Variants in CBLN2 observed in about 807,000 individuals in gnomAD.
CBLN2 encodes cerebellin 2 precursor.
Under a neutral mutation model 15.0 loss-of-function variants are expected in CBLN2, and 7 were observed. The ratio of observed to expected loss-of-function variants is 0.47; its 90% CI spans 0.27 to 0.88. The LOEUF (loss-of-function observed/expected upper bound fraction) is 0.88. CBLN2 is among the 40% of genes least tolerant of loss of function. The pLI is 0.14. For missense variants in CBLN2, 242 were observed against 304.5 expected (o/e 0.79, Z 1.53); for synonymous variants, 149 against 135.2 (o/e 1.10, Z -0.71).
chr18:72,604,473 T>A (rs2069570169), intron 1 of CBLN2, among the ~76,000 whole-genome samples: 1 of 152,206 alleles, frequency 6.6e-6, no homozygotes, highest in African/African-American at 2.4e-5. Flanking sequence ...TATTCTGTGT[T>A]TTAGGCAACA....
At chr18:72,604,524 A>G (rs918574990) in intron 1 of CBLN2, among the ~76,000 whole-genome samples, 10 of 152,118 alleles carry the variant, frequency 6.6e-5, no homozygotes, top group Non-Finnish European at 1.5e-5. Flanking sequence ...CCATGACTTG[A>G]GTGTTTGTCC....
chr18:72,602,370 C>A (rs1030504101), intron 1 of CBLN2, among the ~76,000 whole-genome samples: 28 of 152,220 alleles, frequency 1.8e-4, no homozygotes, highest in African/African-American at 6.8e-4. Context: ...TGTCACTACG[C>A]TTCTGGTATC....
At chr18:72,610,238 AC>A (rs2069613230) in intron 1 of CBLN2, among the ~76,000 whole-genome samples, 1 of 151,768 alleles carries the variant, frequency 6.6e-6, no homozygotes, top group African/African-American at 2.4e-5. Context: ...CACCCTGGCC[AC>A]CCCTGTCCCT....
chr18:72,570,587 C>T (rs2069325751), intron 1 of CBLN2, among the ~76,000 whole-genome samples: 1 of 152,018 alleles, frequency 6.6e-6, no homozygotes, highest in Non-Finnish European at 1.5e-5. Flanking sequence ...TGAGGCTTAT[C>T]TAACACATGC....
At chr18:72,615,056 T>TATATATATTTATATATTTTAGA (rs1555672859) in intron 1 of CBLN2, among the ~76,000 whole-genome samples, 3 of 137,768 alleles carry the variant, frequency 2.2e-5, no homozygotes, top group Non-Finnish European at 4.6e-5. Flanking sequence ...TATATATATA[T>TATATATATTTATATATTTTAGA]AAATATATAT....
intron 1 of CBLN2, among the ~76,000 whole-genome samples, chr18:72,593,805 A>G (rs2069495755): frequency 6.6e-6 from 1 of 152,180 alleles, no homozygotes; most frequent in Non-Finnish European, 1.5e-5. Context: ...GATGTATCAC[A>G]TGGATTAATT....
chr18:72,599,820 GGAAGGCAGGTGATAAGA>G (rs1361980206), intron 1 of CBLN2, among the ~76,000 whole-genome samples: 1 of 152,226 alleles, frequency 6.6e-6, no homozygotes, highest in Non-Finnish European at 1.5e-5. Context: ...GAGATTACAA[GGAAGGCAGGTGATAAGA>G]GAGCCCGTGA....
At chr18:72,596,215 G>A (rs983953519) in intron 1 of CBLN2, among the ~76,000 whole-genome samples, 2 of 151,838 alleles carry the variant, frequency 1.3e-5, no homozygotes, top group Non-Finnish European at 2.9e-5. Flanking sequence ...CATGAAGCTT[G>A]CAAATAATAT....
At chr18:72,569,272 T>C (rs370480387) in intron 1 of CBLN2, among the ~76,000 whole-genome samples, 2 of 152,126 alleles carry the variant, frequency 1.3e-5, no homozygotes, top group East Asian at 3.9e-4. Context: ...TTATAACCAC[T>C]AAAATTGTAA....
At chr18:72,560,145 G>A (rs891285059) in intron 1 of CBLN2, among the ~76,000 whole-genome samples, 1 of 152,196 alleles carries the variant, frequency 6.6e-6, no homozygotes, top group Non-Finnish European at 1.5e-5. Flanking sequence ...TTCTTTGTAA[G>A]CACAAGGGCT....
intron 1 of CBLN2, among the ~76,000 whole-genome samples, chr18:72,586,999 A>G (rs1249018858): frequency 6.6e-6 from 1 of 152,098 alleles, no homozygotes; most frequent in Non-Finnish European, 1.5e-5. Flanking sequence ...AAAGGGTACA[A>G]AGTTAGAAAC....
intron 1 of CBLN2, among the ~76,000 whole-genome samples, chr18:72,612,349 C>G (rs1020067549): frequency 1.6e-4 from 25 of 152,062 alleles, no homozygotes; most frequent in African/African-American, 5.8e-4. Flanking sequence ...TGTGTATGTG[C>G]CTGTGTGTGT....
At chr18:72,567,461 C>T (rs919782761) in intron 1 of CBLN2, among the ~76,000 whole-genome samples, 1 of 152,078 alleles carries the variant, frequency 6.6e-6, no homozygotes, top group Non-Finnish European at 1.5e-5. Flanking sequence ...ATATGTCATC[C>T]GGATGCTGTT....
At chr18:72,584,009 C>T (rs1444945957) in intron 1 of CBLN2, among the ~76,000 whole-genome samples, 1 of 152,166 alleles carries the variant, frequency 6.6e-6, no homozygotes, top group African/African-American at 2.4e-5. Flanking sequence ...TTATCATGAC[C>T]TGGAGGGCCT....
intron 1 of CBLN2, among the ~76,000 whole-genome samples, chr18:72,604,839 T>C (rs559712326): frequency 8.7e-4 from 133 of 152,280 alleles, no homozygotes; most frequent in African/African-American, 3.1e-3. Context: ...CTATAAGAAA[T>C]AAATCCTTGT....
At chr18:72,608,858 G>C (rs1410784550) in intron 1 of CBLN2, among the ~76,000 whole-genome samples, 2 of 152,182 alleles carry the variant, frequency 1.3e-5, no homozygotes, top group African/African-American at 4.8e-5. Context: ...ATGGTGGAAG[G>C]TGAATGAGGA....
chr18:72,570,376 T>C (rs1302371378), intron 1 of CBLN2, among the ~76,000 whole-genome samples: 1 of 148,778 alleles, frequency 6.7e-6, no homozygotes, highest in East Asian at 2.0e-4. Context: ...TAGCTGGAAC[T>C]ACAGGCGTAT....
At chr18:72,538,916 C>A (rs1431103492) in intron 3 of CBLN2, 144 bp from the exon 4 acceptor site, 3 of 1,024,006 alleles carry the variant, frequency 2.9e-6, no homozygotes, top group Non-Finnish European at 4.2e-6. Context: ...CTGGCTTCCC[C>A]AGGAAGGAGG....
chr18:72,596,289 C>G (rs1180715075), intron 1 of CBLN2, among the ~76,000 whole-genome samples: 1 of 151,098 alleles, frequency 6.6e-6, no homozygotes, highest in African/African-American at 2.4e-5. Context: ...TTAATAAAAA[C>G]TCTGTTTTTT....
Sources: gnomAD v4.1 joint callset for allele counts (sites outside exome capture counted in the v4.1 genomes callset) on GRCh38, gnomAD v4.1.1 for gene constraint, MANE v1.5 for transcripts, NCBI Gene and HGNC (gene_info 2026-07-23, HGNC 2026-07-21) for gene names.